The following ZFHX3 variants were observed in gnomAD, a reference collection of about 807,000 sequenced individuals.
ZFHX3 encodes the protein zinc finger homeobox 3.
ZFHX3 carries 42 observed loss-of-function variants against 279.1 expected under a neutral mutation model. The observed-to-expected ratio is 0.15, with a 90% CI of 0.12 to 0.19. ZFHX3 has a LOEUF of 0.19. ZFHX3 is among the 10% of genes least tolerant of loss of function. The pLI is 1.00. For synonymous variants in ZFHX3, 2,293 were observed against 1,957.8 expected (o/e 1.17, Z -4.52); for missense variants, 4,981 against 4,754.0 (o/e 1.05, Z -1.40).
At chr16:72,905,905 G>A (rs1048617543) in intron 3 of ZFHX3, among the ~76,000 whole-genome samples, 30 of 152,214 alleles carry the variant, frequency 2.0e-4, no homozygotes, top group African/African-American at 5.5e-4. Flanking sequence ...CTGTTGCCAG[G>A]GACTGCTGCT....
intron 1 of ZFHX3, among the ~76,000 whole-genome samples, chr16:73,770,151 A>G (rs1245142376): frequency 6.6e-6 from 1 of 152,274 alleles, no homozygotes; most frequent in Non-Finnish European, 1.5e-5. Context: ...ATTATTCTGG[A>G]TGATTGCAAT....
Position 73,386,941 on chromosome 16 carries a change from G to C in ZFHX3, c.-1290-68605C>G, listed in dbSNP as rs1047486768. 3 of 152,168 alleles carry C rather than the reference G, an allele frequency of 2.0e-5. No homozygotes were observed. The South Asian group carries it at 6.2e-4, about 32-fold the overall frequency. 9.4% of individuals were successfully genotyped at this position (152,168 alleles called of 1,614,324 possible). A position where few individuals can be genotyped will look rare whatever the true frequency, so the allele number is the denominator to read the frequency against. ...AGTAAATCTGTTAGTGATCTCCCTC[G>C]CATAACCTAGGAATTCTCTCAGGAT... On this transcript the variant is annotated intron_variant, in intron 3 of 17. Coordinates refer to the ZFHX3 transcript ENST00000641206.
chr16:73,309,226 C>T (rs1597276550), intron 4 of ZFHX3, among the ~76,000 whole-genome samples: 1 of 152,258 alleles, frequency 6.6e-6, no homozygotes, highest in South Asian at 2.1e-4. Context: ...CCTCTCCCTT[C>T]TCCCACCCTC....
At chr16:73,725,692 C>A (rs778402934) in intron 1 of ZFHX3, among the ~76,000 whole-genome samples, 10 of 152,112 alleles carry the variant, frequency 6.6e-5, no homozygotes, top group Non-Finnish European at 1.0e-4. Flanking sequence ...CTCTAATTCT[C>A]TCAACTCAGC....
chr16:73,397,498 A>G (rs946923742), intron 3 of ZFHX3, among the ~76,000 whole-genome samples: 3 of 151,904 alleles, frequency 2.0e-5, no homozygotes, highest in African/African-American at 7.3e-5. Context: ...GAGAGAAGGA[A>G]AGAGATAGTA....
chr16:73,773,283 T>A (rs1313720249), intron 1 of ZFHX3, among the ~76,000 whole-genome samples: 2 of 152,244 alleles, frequency 1.3e-5, no homozygotes, highest in African/African-American at 4.8e-5. Context: ...CCCAGGCAGC[T>A]GTGTCCCACA....
intron 2 of ZFHX3, among the ~76,000 whole-genome samples, chr16:73,663,501 TCCAAAGGAAAG>T (rs1365172925): frequency 6.6e-6 from 1 of 152,136 alleles, no homozygotes; most frequent in African/African-American, 2.4e-5. Flanking sequence ...TCCTGTATGA[TCCAAAGGAAAG>T]CCACAAACTT....
intron 1 of ZFHX3, among the ~76,000 whole-genome samples, chr16:73,814,263 G>C (rs1019554539): frequency 3.9e-5 from 6 of 152,070 alleles, no homozygotes. Flanking sequence ...ACAATAAATG[G>C]TAGCCAGACA....
intron 3 of ZFHX3, among the ~76,000 whole-genome samples, chr16:73,348,519 C>T (rs1053510600): frequency 5.9e-5 from 9 of 152,310 alleles, no homozygotes; most frequent in East Asian, 1.9e-4. Flanking sequence ...CACTTGAAGC[C>T]GTGTTTGATG....
intron 3 of ZFHX3, among the ~76,000 whole-genome samples, chr16:73,408,313 T>C (rs961899202): frequency 1.3e-5 from 2 of 152,038 alleles, no homozygotes; most frequent in African/African-American, 4.8e-5. Context: ...AGGGTGAACT[T>C]GGGCAGAAGA....
At chr16:73,882,270 G>A (rs1327151477) in intron 1 of ZFHX3, among the ~76,000 whole-genome samples, 1 of 151,930 alleles carries the variant, frequency 6.6e-6, no homozygotes, top group Non-Finnish European at 1.5e-5. Context: ...TTATTGCTTG[G>A]TAACCTCTTG....
intron 3 of ZFHX3, among the ~76,000 whole-genome samples, chr16:73,447,964 T>C (rs943431227): frequency 2.0e-5 from 3 of 152,150 alleles, no homozygotes; most frequent in African/African-American, 7.2e-5. Flanking sequence ...TTGGTCAAAC[T>C]GAAGGGCCTG....
intron 2 of ZFHX3, among the ~76,000 whole-genome samples, chr16:73,637,679 A>AT (rs2052539869): frequency 6.6e-6 from 1 of 152,206 alleles, no homozygotes; most frequent in Non-Finnish European, 1.5e-5. Flanking sequence ...AAAGGATTCC[A>AT]TGAAGCAAGA....
At chr16:73,644,705 C>G (rs191845319) in intron 2 of ZFHX3, among the ~76,000 whole-genome samples, 1 of 151,922 alleles carries the variant, frequency 6.6e-6, no homozygotes, top group African/African-American at 2.4e-5. Flanking sequence ...TCAGCAGTTT[C>G]CAGTATAAGA....
chr16:73,329,926 C>T (rs569557271), intron 3 of ZFHX3, among the ~76,000 whole-genome samples: 36 of 152,196 alleles, frequency 2.4e-4, no homozygotes, highest in Admixed American at 1.2e-3. Context: ...CCAAAACAAA[C>T]GTCCTCAGTG....
Position 72,805,150 on chromosome 16 carries a change from T to G in ZFHX3, c.3865-5021A>C, listed in dbSNP as rs549517225. Among the ~76,000 whole-genome samples, 205 of 152,054 alleles carry G rather than the reference T, an allele frequency of 1.3e-3. 1 individual carries two copies. Among genetic ancestry groups the G allele is most frequent in the Non-Finnish European group, 2.4e-3 (164 of 67,988 alleles). On this transcript the variant is annotated intron_variant, in intron 7 of 9. Coordinates refer to ENST00000268489, the MANE Select transcript of ZFHX3 (RefSeq NM_006885.4). ...GCACCACCACGCCCAGCTATTTTTT[T>G]TTTGTACTTTTAATAGAGATGGGGT...
chr16:73,276,884 C>T lies in ZFHX3; in HGVS notation c.-1193-19748G>A, dbSNP rs146126878. Among the ~76,000 whole-genome samples the T allele has an allele frequency of 2.1e-3, 323 of 152,284 alleles. 1 individual carries two copies. The highest frequency in any genetic ancestry group is 7.5e-3 in the African/African-American group (313 of 41,558). ...TCATATGGGCTAAGTCAAACTGTGA[C>T]GTCCTTAAAACTATCCTCTGCCATG... On this transcript the variant is annotated intron_variant, in intron 4 of 17. Coordinates refer to the ZFHX3 transcript ENST00000641206.
chr16:73,479,674 C>G (rs1375858767), intron 2 of ZFHX3, among the ~76,000 whole-genome samples: 4 of 152,138 alleles, frequency 2.6e-5, no homozygotes, highest in Non-Finnish European at 5.9e-5. Context: ...CACCATGCCT[C>G]CTATATGGTG....
At chr16:73,136,647 C>A (rs890167521) in intron 6 of ZFHX3, among the ~76,000 whole-genome samples, 2 of 148,740 alleles carry the variant, frequency 1.3e-5, no homozygotes, top group African/African-American at 2.5e-5. Context: ...ATCACTTGAA[C>A]CCAGGAGGCA....
Sources: allele counts gnomAD v4.1 joint callset (sites outside exome capture counted in the v4.1 genomes callset), GRCh38; gene constraint gnomAD v4.1.1; transcripts MANE v1.5; gene names NCBI Gene and HGNC (gene_info 2026-07-23, HGNC 2026-07-21).